The following BNC1 variants were observed in gnomAD, a reference collection of about 807,000 sequenced individuals.
BNC1 encodes the protein zinc finger protein basonuclin-1.
BNC1 carries 8 observed loss-of-function variants against 66.5 expected under a neutral mutation model. That is an observed-to-expected ratio of 0.12 (90% confidence interval 0.07 to 0.22). The LOEUF is 0.22. BNC1 is among the 10% of genes least tolerant of loss of function. The probability of loss-of-function intolerance (pLI) is 1.00; values close to 1 mark genes in which losing one functional copy is unlikely to be tolerated. For synonymous variants in BNC1, 454 were observed against 452.6 expected (o/e 1.00, Z -0.04); for missense variants, 1,069 against 1,241.3 (o/e 0.86, Z 2.09).
intron 4 of BNC1, among the ~76,000 whole-genome samples, chr15:83,259,837 T>C (rs867264041): frequency 1.3e-5 from 2 of 152,180 alleles, no homozygotes; most frequent in African/African-American, 2.4e-5. Flanking sequence ...TGAGGTGCCA[T>C]GTCCCCTAAG....
At chr15:83,273,875 G>C (rs1026284279) in intron 1 of BNC1, among the ~76,000 whole-genome samples, 10 of 152,294 alleles carry the variant, frequency 6.6e-5, no homozygotes, top group Admixed American at 2.0e-4. Context: ...GTGCCAGACA[G>C]AGTAGGTCTC....
At chr15:83,270,441 T>A (rs561226942) in intron 1 of BNC1, among the ~76,000 whole-genome samples, 1 of 152,336 alleles carries the variant, frequency 6.6e-6, no homozygotes, top group East Asian at 1.9e-4. Context: ...TCATTTTACA[T>A]TCTCACCAGC....
At chr15:83,274,342 G>A (rs1020228774) in intron 1 of BNC1, among the ~76,000 whole-genome samples, 5 of 152,220 alleles carry the variant, frequency 3.3e-5, no homozygotes, top group African/African-American at 1.2e-4. Context: ...CTGAGATCGC[G>A]CCACTGCACT....
chr15:83,262,812 C>T, intron 4 of BNC1, 139 bp downstream of exon 4: 1 of 882,108 alleles, frequency 1.1e-6, no homozygotes, highest in South Asian at 2.0e-5. Context: ...TCTCAGGCCT[C>T]ACCCTAGATC....
chr15:83,279,648 G>A (rs982422786), intron 1 of BNC1, among the ~76,000 whole-genome samples: 24 of 152,210 alleles, frequency 1.6e-4, no homozygotes, highest in African/African-American at 5.8e-4. Flanking sequence ...GGCCTGGGCT[G>A]TCCAGATGAG....
chr15:83,267,987 A>T, intron 2 of BNC1, 146 bp downstream of exon 2: 1 of 671,802 alleles, frequency 1.5e-6, no homozygotes, highest in Non-Finnish European at 2.6e-6. Flanking sequence ...GACTCTTTGA[A>T]TCTTAGCCTG....
rs1567189050 is a variant in BNC1, at chr15:83,256,780, T to C, written c.*662A>G. Reference sequence around the variant, plus strand: ...AATTGAAGACCATTATTTAAGTGCATGAGATATTTTTCCCCTAGCTTCTTG... The same window carrying C: ...AATTGAAGACCATTATTTAAGTGCACGAGATATTTTTCCCCTAGCTTCTTG... On this transcript the variant is annotated 3_prime_UTR_variant, in exon 5 of 5. Coordinates refer to ENST00000345382, the MANE Select transcript of BNC1 (RefSeq NM_001717.4). 2.0e-5 allele frequency: 3 copies of C among 152,236 alleles called. No homozygotes were observed. The highest frequency in any genetic ancestry group is 2.9e-5 in the Non-Finnish European group (2 of 68,044). The allele number at this position is 152,236 out of a possible 1,614,324, so 9.4% of individuals were successfully genotyped here.
rs762216781 is a variant in BNC1 at position 83,263,783 on chromosome 15, G to T, written c.1468C>A (p.Pro490Thr). 2 of 1,614,218 alleles carry T rather than the reference G, an allele frequency of 1.2e-6. No individual in the cohort carries two copies. The highest frequency in any genetic ancestry group is 1.7e-6 in the Non-Finnish European group (2 of 1,180,046). Residue 490 changes from proline to threonine, a missense_variant, in exon 4 of 5, where the codon CCT (proline) becomes ACT (threonine). Around this residue, in one of 7 missense-constraint regions of BNC1, gnomAD observed 657 missense variants for 715.8 expected, o/e 0.92. Coordinates refer to ENST00000345382, the MANE Select transcript of BNC1 (RefSeq NM_001717.4). The stretch of plus-strand genomic sequence containing the variant: ...GGCGTGGCTGGACTGCGGTAGAAAG[G>T]AAGGACTGGCTGGACTGTCTTTAGG... ...PNLKTVQPVLPFYRSPATPAE... is the reference protein window; with the variant it reads ...PNLKTVQPVLTFYRSPATPAE...
chr15:83,272,686 A>G (rs369886066), intron 1 of BNC1, among the ~76,000 whole-genome samples: 41 of 152,324 alleles, frequency 2.7e-4, no homozygotes, highest in Non-Finnish European at 2.9e-4. Context: ...CACGCAACCC[A>G]GGAAACCAGG....
Position 83,264,374 on chromosome 15 carries a change from T to A in BNC1, c.877A>T (p.Ser293Cys). 6.2e-7 allele frequency: 1 copy of A among 1,614,204 alleles called. No individual in the cohort carries two copies. The highest frequency in any genetic ancestry group is 2.2e-5 in the East Asian group (1 of 44,882). ...TTTTCAACCTGAAATGGTGTGGAAC[T>A]GGAAGTTAAGAAGCTGCTGTCAGGG... ...PFPDSSFLTSSSTPFQVEKDQ... is the reference protein window; with the variant it reads ...PFPDSSFLTSCSTPFQVEKDQ... The change falls in exon 4 of 5, where the codon AGT (serine) becomes TGT (cysteine). Residue 293 changes from serine (S) to cysteine (C), a missense_variant. Transcript: ENST00000345382.
intron 4 of BNC1, among the ~76,000 whole-genome samples, chr15:83,262,272 C>T (rs1042978996): frequency 7.2e-5 from 11 of 151,996 alleles, no homozygotes; most frequent in East Asian, 1.9e-4. Flanking sequence ...AGGATGGTCT[C>T]GATCTCTTGA....
At chr15:83,270,372 G>A (rs1316202533) in intron 1 of BNC1, among the ~76,000 whole-genome samples, 1 of 152,188 alleles carries the variant, frequency 6.6e-6, no homozygotes, top group Non-Finnish European at 1.5e-5. Flanking sequence ...CTACTGGATT[G>A]CATAGTAACT....
At chr15:83,284,503 C>A in intron 1 of BNC1, 27 bp downstream of exon 1, 1 of 1,196,268 alleles carries the variant, frequency 8.4e-7, no homozygotes, top group South Asian at 1.9e-5. Context: ...AGAGAATCCC[C>A]GCGCCCGCGG....
chr15:83,264,956 C>T (rs1190342372), intron 3 of BNC1, 141 bp from the exon 4 acceptor site: 1 of 795,838 alleles, frequency 1.3e-6, no homozygotes, highest in African/African-American at 1.7e-5. Flanking sequence ...AATTTAGTCC[C>T]TGCTCACCCT....
intron 1 of BNC1, among the ~76,000 whole-genome samples, chr15:83,271,029 A>G (rs745405929): frequency 7.9e-5 from 12 of 152,178 alleles, no homozygotes; most frequent in South Asian, 2.1e-4. Flanking sequence ...TAATCCTAGC[A>G]TTCTGGGAGG....
chr15:83,263,491 A>G lies in BNC1; in HGVS notation c.1760T>C (p.Val587Ala). 1.2e-6 allele frequency: 2 copies of G among 1,613,996 alleles called. No individual in the cohort carries two copies. The highest frequency in any genetic ancestry group is 1.7e-6 in the Non-Finnish European group (2 of 1,179,980). ...TGACTGTACATGCTGCTCCTCAGAT[A>G]CTCTGTGTGACTGAGGACTGCAGGC... ...QEACSPQSHR[V>A]SEEQHVQSGG... Residue 587 changes from valine to alanine, a missense_variant, in exon 4 of 5, where the codon GTA becomes GCA. Physicochemically the swap from Val to Ala is moderately conservative, Grantham distance 64 (BLOSUM62 0). Coordinates refer to ENST00000345382, the MANE Select transcript of BNC1 (RefSeq NM_001717.4).
Position 83,257,555 on chromosome 15 carries a change from A to C in BNC1, c.2872T>G (p.Cys958Gly). 6.2e-7 allele frequency: 1 copy of C among 1,614,044 alleles called. No individual in the cohort carries two copies. Among genetic ancestry groups the C allele is most frequent in the Non-Finnish European group, 8.5e-7 (1 of 1,180,016 alleles). Residue 958 changes from cysteine (C) to glycine (G), a missense_variant, in exon 5 of 5, where the codon TGC (cysteine) becomes GGC (glycine). Physicochemically the swap from Cys to Gly is radical, Grantham distance 159. Transcript: ENST00000345382. ...ATGGTGTTGCAGCCTGGTACTTTGCATTTGTGGAGCTGCCGGAGGTGCACA... is the reference window on the plus strand; with the variant it reads ...ATGGTGTTGCAGCCTGGTACTTTGCCTTTGTGGAGCTGCCGGAGGTGCACA... ...KTVHLRQLHK[C>G]KVPGCNTMFS...
chr15:83,262,332 T>A (rs1381264556), intron 4 of BNC1, among the ~76,000 whole-genome samples: 1 of 152,196 alleles, frequency 6.6e-6, no homozygotes, highest in Non-Finnish European at 1.5e-5. Context: ...ATTACAGGGA[T>A]GAGCCACCGC....
chr15:83,283,481 C>T, intron 1 of BNC1: 3 of 985,336 alleles, frequency 3.0e-6, no homozygotes, highest in Non-Finnish European at 3.6e-6. Context: ...GACGGGCGAG[C>T]CACGCGCTCG....
Sources: allele counts gnomAD v4.1 joint callset (sites outside exome capture counted in the v4.1 genomes callset), GRCh38; gene constraint gnomAD v4.1.1; regional missense constraint gnomAD v4.1.1; transcripts MANE v1.5; gene names NCBI Gene and HGNC (gene_info 2026-07-23, HGNC 2026-07-21).